Variants in SNTG1 observed in about 807,000 individuals in gnomAD.
SNTG1 encodes syntrophin gamma 1.
A neutral mutation model predicts 74.7 loss-of-function variants in SNTG1; 39 were observed. The observed-to-expected ratio is 0.52, with a 90% CI of 0.40 to 0.68. The LOEUF is 0.68. Among genes scored for constraint, SNTG1 ranks in the 30% least tolerant of loss-of-function variants. The pLI is 0.00. For missense variants in SNTG1, 685 were observed against 609.5 expected (o/e 1.12, Z -1.30); for synonymous variants, 254 against 217.1 (o/e 1.17, Z -1.49).
At chr8:50,298,779 T>C (rs2130642747) in intron 2 of SNTG1, among the ~76,000 whole-genome samples, 1 of 152,278 alleles carries the variant, frequency 6.6e-6, no homozygotes, top group South Asian at 2.1e-4. Flanking sequence ...AAACATTTCC[T>C]ATTTTTGTGC....
intron 18 of SNTG1, among the ~76,000 whole-genome samples, chr8:50,755,481 C>G (rs1209450303): frequency 6.6e-6 from 1 of 151,734 alleles, no homozygotes; most frequent in Non-Finnish European, 1.5e-5. Flanking sequence ...TCTGAATGTA[C>G]AACAGTTTAT....
chr8:50,727,622 C>T (rs984087970), intron 17 of SNTG1, among the ~76,000 whole-genome samples: 9 of 152,122 alleles, frequency 5.9e-5, no homozygotes, highest in Non-Finnish European at 5.9e-5. Flanking sequence ...GATAAATAGC[C>T]CCTGCTGCTA....
chr8:50,171,983 C>T (rs966631419), intron 1 of SNTG1, among the ~76,000 whole-genome samples: 3 of 152,032 alleles, frequency 2.0e-5, no homozygotes, highest in African/African-American at 7.2e-5. Flanking sequence ...GTAACATAAA[C>T]GGGATCTTTA....
intron 2 of SNTG1, chr8:50,381,112 C>T (rs551896111): frequency 5.9e-5 from 9 of 152,204 alleles, no homozygotes; most frequent in African/African-American, 1.4e-4. Context: ...ATTTTTTAAA[C>T]ATTAAAGATG....
At chr8:50,227,136 TG>T (rs1166599264) in intron 2 of SNTG1, among the ~76,000 whole-genome samples, 2 of 152,140 alleles carry the variant, frequency 1.3e-5, no homozygotes, top group East Asian at 3.9e-4. Flanking sequence ...TATAAAACTC[TG>T]GGGAGACAGG....
chr8:50,488,692 T>C (rs1308036696), intron 8 of SNTG1, among the ~76,000 whole-genome samples: 1 of 152,176 alleles, frequency 6.6e-6, no homozygotes, highest in African/African-American at 2.4e-5. Flanking sequence ...CAAGCCATGT[T>C]ATTGACAGAC....
intron 1 of SNTG1, among the ~76,000 whole-genome samples, chr8:50,103,545 C>G (rs1011967686): frequency 6.6e-6 from 1 of 152,092 alleles, no homozygotes; most frequent in African/African-American, 2.4e-5. Flanking sequence ...AATCGAATAC[C>G]CTTTATTTCC....
chr8:50,184,359 T>C (rs898268278), intron 2 of SNTG1, among the ~76,000 whole-genome samples: 19 of 152,154 alleles, frequency 1.2e-4, no homozygotes, highest in African/African-American at 4.3e-4. Context: ...AGAGACAGGG[T>C]TTCACCATGT....
chr8:50,304,582 A>C (rs982729276), intron 2 of SNTG1, among the ~76,000 whole-genome samples: 2 of 152,208 alleles, frequency 1.3e-5, no homozygotes, highest in Admixed American at 6.5e-5. Context: ...AAATAGAAAG[A>C]AAGCAGGGGT....
At position 50,219,490 on chromosome 8, in the gene SNTG1, G is replaced by T. The variant is rs1243247720; in HGVS notation, c.-28+46855G>T. Among the ~76,000 whole-genome samples the T allele has an allele frequency of 2.6e-5, 4 of 152,154 alleles. No homozygotes were observed. In the East Asian group the frequency reaches 7.7e-4, roughly 29 times the overall value. On this transcript the variant is annotated intron_variant, in intron 2 of 18. Transcript: ENST00000642720. ...GAGACTGGGTAACTTATAATGAAAA[G>T]AGGTTTAATTGGCTCATGGTTCCAC...
chr8:49,932,578 AATTT>A (rs1415571933), intron 1 of SNTG1, among the ~76,000 whole-genome samples: 2 of 152,060 alleles, frequency 1.3e-5, no homozygotes, highest in East Asian at 3.9e-4. Flanking sequence ...ATTTAATGAC[AATTT>A]ATTTGATCCC....
chr8:49,984,977 A>G (rs1252895981), intron 1 of SNTG1, among the ~76,000 whole-genome samples: 1 of 152,056 alleles, frequency 6.6e-6, no homozygotes, highest in Non-Finnish European at 1.5e-5. Context: ...CAGAAGGAAA[A>G]TTGTCTGAAA....
At chr8:49,989,743 T>C (rs1451496713) in intron 1 of SNTG1, among the ~76,000 whole-genome samples, 1 of 151,940 alleles carries the variant, frequency 6.6e-6, no homozygotes, top group Non-Finnish European at 1.5e-5. Flanking sequence ...AAAAGGAATA[T>C]GCATCATGAA....
chr8:50,623,180 G>C (rs539856322), intron 13 of SNTG1, among the ~76,000 whole-genome samples: 1 of 152,004 alleles, frequency 6.6e-6, no homozygotes, highest in South Asian at 2.1e-4. Flanking sequence ...GTGATCAATT[G>C]TTCTGACAAG....
chr8:50,356,914 A>G (rs1488829425), intron 2 of SNTG1, among the ~76,000 whole-genome samples: 1 of 152,250 alleles, frequency 6.6e-6, no homozygotes, highest in African/African-American at 2.4e-5. Context: ...CAAAAATCCA[A>G]CAACCTCAGC....
intron 4 of SNTG1, among the ~76,000 whole-genome samples, chr8:50,436,145 T>C (rs538912267): frequency 1.3e-5 from 2 of 152,198 alleles, no homozygotes; most frequent in Non-Finnish European, 2.9e-5. Context: ...AATTTGTATT[T>C]TAAGACAACT....
At chr8:50,577,448 GT>G (rs79021190) in intron 12 of SNTG1, among the ~76,000 whole-genome samples, 1,739 of 137,622 alleles carry the variant, frequency 0.013, 30 homozygotes, top group African/African-American at 0.037. Context: ...TTGGTCCATA[GT>G]TTTTTTTTTT....
At chr8:49,927,572 G>C in intron 1 of SNTG1, among the ~76,000 whole-genome samples, 1 of 152,144 alleles carries the variant, frequency 6.6e-6, no homozygotes, top group Non-Finnish European at 1.5e-5. Context: ...ACCTAGAAAG[G>C]CTACATATTA....
intron 18 of SNTG1, among the ~76,000 whole-genome samples, chr8:50,777,144 G>C (rs912715206): frequency 6.7e-6 from 1 of 149,914 alleles, no homozygotes; most frequent in Non-Finnish European, 1.5e-5. Flanking sequence ...ATGAATTTTC[G>C]CTATTACGTC....
Sources: allele counts gnomAD v4.1 joint callset (sites outside exome capture counted in the v4.1 genomes callset), GRCh38; gene constraint gnomAD v4.1.1; transcripts MANE v1.5; gene names NCBI Gene and HGNC (gene_info 2026-07-23, HGNC 2026-07-21).